Variants in RBFOX1 observed in about 807,000 individuals in gnomAD.
The protein encoded by RBFOX1 is RNA binding fox-1 homolog 1, also known as RNA binding protein fox-1 homolog 1.
A neutral mutation model predicts 57.7 loss-of-function variants in RBFOX1; 8 were observed. That is an observed-to-expected ratio of 0.14 (90% CI 0.08 to 0.25). RBFOX1 has a LOEUF of 0.25. RBFOX1 is among the 10% of genes least tolerant of loss of function. RBFOX1 has a pLI of 1.00. For synonymous variants in RBFOX1, 326 were observed against 222.4 expected (o/e 1.47, Z -4.15); for missense variants, 611 against 548.5 (o/e 1.11, Z -1.14).
chr16:6,785,484 C>T (rs1399073574), intron 3 of RBFOX1, among the ~76,000 whole-genome samples: 3 of 152,142 alleles, frequency 2.0e-5, no homozygotes, highest in Non-Finnish European at 4.4e-5. Flanking sequence ...AAGCCATTTG[C>T]ATCTGGGCAA....
chr16:6,785,674 C>T (rs923294491), intron 3 of RBFOX1, among the ~76,000 whole-genome samples: 1 of 152,148 alleles, frequency 6.6e-6, no homozygotes, highest in South Asian at 2.1e-4. Context: ...TTCCATGTAC[C>T]ATGTTCCATG....
chr16:7,504,787 T>TTTA (rs1567555340), intron 4 of RBFOX1, among the ~76,000 whole-genome samples: 3 of 9,364 alleles, frequency 3.2e-4, no homozygotes, highest in African/African-American at 1.1e-3. Flanking sequence ...ATATATATAT[T>TTTA]TATATATATA....
At chr16:7,205,425 G>A (rs2089729767) in intron 4 of RBFOX1, among the ~76,000 whole-genome samples, 1 of 151,698 alleles carries the variant, frequency 6.6e-6, no homozygotes, top group Non-Finnish European at 1.5e-5. Context: ...GGCTAAGGCA[G>A]GAGAATGGCT....
chr16:7,629,087 C>G (rs1050152840), intron 10 of RBFOX1, among the ~76,000 whole-genome samples: 1 of 152,146 alleles, frequency 6.6e-6, no homozygotes, highest in African/African-American at 2.4e-5. Context: ...TGTTCTCCAG[C>G]TATAAGCATG....
chr16:7,633,879 G>A (rs2061359507), intron 11 of RBFOX1, among the ~76,000 whole-genome samples: 1 of 152,118 alleles, frequency 6.6e-6, no homozygotes, highest in Non-Finnish European at 1.5e-5. Context: ...TGCTGGCTTG[G>A]CAACATTCAC....
chr16:7,166,855 C>T (rs12597232), intron 4 of RBFOX1, among the ~76,000 whole-genome samples: 31,035 of 151,606 alleles, frequency 0.2, 3,720 homozygotes, highest in East Asian at 0.38. Context: ...GGGGGTGGTG[C>T]AGGATCCACG....
intron 7 of RBFOX1, among the ~76,000 whole-genome samples, chr16:7,591,938 C>T (rs1046630622): frequency 1.8e-4 from 27 of 152,148 alleles, no homozygotes; most frequent in Non-Finnish European, 3.4e-4. Context: ...TGCATCGTGG[C>T]AAAGGTTCCC....
intron 2 of RBFOX1, among the ~76,000 whole-genome samples, chr16:5,496,411 G>A (rs1320142012): frequency 6.6e-6 from 1 of 151,978 alleles, no homozygotes; most frequent in African/African-American, 2.4e-5. Context: ...TACATGCCCA[G>A]CTCCTTCTCA....
At chr16:5,780,200 AC>A (rs1400883516) in intron 3 of RBFOX1, among the ~76,000 whole-genome samples, 1 of 152,098 alleles carries the variant, frequency 6.6e-6, no homozygotes, top group Non-Finnish European at 1.5e-5. Context: ...ATGGGATTTC[AC>A]TATCTTGGCC....
intron 3 of RBFOX1, among the ~76,000 whole-genome samples, chr16:6,777,595 G>C (rs1210222404): frequency 6.6e-6 from 1 of 152,132 alleles, no homozygotes; most frequent in Non-Finnish European, 1.5e-5. Flanking sequence ...GGGAAAGAAA[G>C]AGAACAGAAT....
At chr16:6,802,779 A>G (rs866572328) in intron 3 of RBFOX1, among the ~76,000 whole-genome samples, 2 of 152,236 alleles carry the variant, frequency 1.3e-5, no homozygotes, top group African/African-American at 4.8e-5. Context: ...TGATTGTTAG[A>G]TGATACTCTT....
chr16:7,144,417 C>CTTTTTTTTTTTTTTTTTTT (rs1190886141), intron 4 of RBFOX1, among the ~76,000 whole-genome samples: 5 of 66,914 alleles, frequency 7.5e-5, no homozygotes, highest in East Asian at 4.7e-4. Flanking sequence ...TTTCTTTCTT[C>CTTTTTTTTTTTTTTTTTTT]TTTTTTTTTT....
intron 3 of RBFOX1, among the ~76,000 whole-genome samples, chr16:5,785,393 G>C (rs2054465484): frequency 1.3e-5 from 2 of 152,134 alleles, no homozygotes; most frequent in Admixed American, 6.5e-5. Context: ...GGTGGGGCAG[G>C]AAATGAAGCT....
intron 4 of RBFOX1, among the ~76,000 whole-genome samples, chr16:7,078,689 T>TA (rs1251625128): frequency 4.9e-5 from 7 of 142,654 alleles, no homozygotes; most frequent in Admixed American, 1.4e-4. Flanking sequence ...TTATTTTATT[T>TA]TATTTTTTTT....
At chr16:6,572,920 C>G (rs746532355) in intron 2 of RBFOX1, among the ~76,000 whole-genome samples, 9 of 152,136 alleles carry the variant, frequency 5.9e-5, no homozygotes, top group African/African-American at 1.4e-4. Flanking sequence ...TAAGTGCCTA[C>G]TTTGTTCCCA....
chr16:5,486,246 T>A (rs13330672), intron 2 of RBFOX1, among the ~76,000 whole-genome samples: 1 of 152,286 alleles, frequency 6.6e-6, no homozygotes, highest in South Asian at 2.1e-4. Flanking sequence ...TAGGGTTCCA[T>A]CAAGGGTCAT....
At chr16:7,570,324 A>G (rs1408566410) in intron 5 of RBFOX1, among the ~76,000 whole-genome samples, 2 of 152,156 alleles carry the variant, frequency 1.3e-5, no homozygotes, top group Non-Finnish European at 2.9e-5. Flanking sequence ...TTTCCATCAA[A>G]TAGAATTTGC....
At chr16:6,089,664 G>A (rs538599626) in intron 1 of RBFOX1, among the ~76,000 whole-genome samples, 5 of 152,294 alleles carry the variant, frequency 3.3e-5, no homozygotes, top group African/African-American at 1.2e-4. Context: ...CTGAGTACGG[G>A]GTCAGGTGTA....
intron 3 of RBFOX1, among the ~76,000 whole-genome samples, chr16:5,854,134 C>G (rs2056966238): frequency 6.6e-6 from 1 of 152,202 alleles, no homozygotes; most frequent in Non-Finnish European, 1.5e-5. Context: ...TTACCACAAT[C>G]AAGCTAATGA....
Sources: gnomAD v4.1 joint callset for allele counts (sites outside exome capture counted in the v4.1 genomes callset) on GRCh38, gnomAD v4.1.1 for gene constraint, MANE v1.5 for transcripts, NCBI Gene and HGNC (gene_info 2026-07-23, HGNC 2026-07-21) for gene names.